BACE2: variants seen among roughly 807,000 people sequenced by gnomAD.
BACE2 encodes beta-secretase 2.
A neutral mutation model predicts 46.2 loss-of-function variants in BACE2; 17 were observed. The observed-to-expected ratio is 0.37, with a 90% confidence interval of 0.25 to 0.55. BACE2 has a LOEUF of 0.55. BACE2 is among the 20% of genes least tolerant of loss of function. BACE2 has a pLI of 0.82. For missense variants in BACE2, 595 were observed against 698.1 expected, an observed-to-expected ratio of 0.85 and a Z score of 1.66; for synonymous variants, 277 against 295.9, an observed-to-expected ratio of 0.94 and a Z score of 0.66.
chr21:41,201,162 T>G (rs566337454), intron 1 of BACE2, among the ~76,000 whole-genome samples: 1 of 152,362 alleles, frequency 6.6e-6, no homozygotes, highest in African/African-American at 2.4e-5. Context: ...CCTACCTGTC[T>G]TATCCTCTGG....
intron 8 of BACE2, among the ~76,000 whole-genome samples, chr21:41,267,990 C>T (rs548835176): frequency 6.6e-6 from 1 of 152,184 alleles, no homozygotes; most frequent in Non-Finnish European, 1.5e-5. Context: ...AGATCTTCCA[C>T]AGGCACTCAT....
At chr21:41,223,223 G>A (rs1601283785) in intron 1 of BACE2, among the ~76,000 whole-genome samples, 1 of 152,178 alleles carries the variant, frequency 6.6e-6, no homozygotes, top group East Asian at 1.9e-4. Context: ...AGGCATGGTG[G>A]TGCACGCCTG....
chr21:41,278,911 T>A lies in BACE2; in HGVS notation c.*3287T>A, dbSNP rs1048113656. 5.3e-5 allele frequency: 8 copies of A among 152,220 alleles called. No homozygotes were observed. Among genetic ancestry groups the A allele is most frequent in the African/African-American group, 1.7e-4 (7 of 41,454 alleles). The allele number at this position is 152,220 out of a possible 1,614,324, so 9.4% of individuals were successfully genotyped here. Reference sequence around the variant, plus strand: ...TGAATTTCACAGACTTTATCCTGATTAGTGGAAATCAAATAATGGAGTGGA... The same window carrying A: ...TGAATTTCACAGACTTTATCCTGATAAGTGGAAATCAAATAATGGAGTGGA... On this transcript the variant is annotated 3_prime_UTR_variant, in exon 9 of 9. Coordinates refer to ENST00000330333, the MANE Select transcript of BACE2 (RefSeq NM_012105.5).
At chr21:41,219,766 A>G (rs1165805301) in intron 1 of BACE2, among the ~76,000 whole-genome samples, 1 of 152,210 alleles carries the variant, frequency 6.6e-6, no homozygotes, top group Non-Finnish European at 1.5e-5. Context: ...CTAAGTGGAA[A>G]AACCACACAC....
chr21:41,237,836 G>A, intron 3 of BACE2, 107 bp downstream of exon 3: 1 of 855,958 alleles, frequency 1.2e-6, no homozygotes, highest in Non-Finnish European at 1.9e-6. Flanking sequence ...TGGAGACAGT[G>A]AGAACCACGT....
rs147122209 is a variant in BACE2, at chr21:41,263,857, A to G, written c.1303+6531A>G. The stretch of plus-strand genomic sequence containing the variant: ...TTTCCCATCGTGCTATACCCTTTAC[A>G]CTCTCTGAATCTGACAACTCATGAC... On this transcript the variant is annotated intron_variant, in intron 8 of 8. Transcript: ENST00000330333. 3.7e-4 allele frequency among the ~76,000 whole-genome samples: 56 copies of G among 152,268 alleles called. 2 individuals carry two copies. In the East Asian group the frequency reaches 0.011, roughly 29 times the overall value.
chr21:41,227,296 G>GAACCGAC (rs1986848152), intron 2 of BACE2, among the ~76,000 whole-genome samples: 2 of 152,198 alleles, frequency 1.3e-5, no homozygotes, highest in African/African-American at 4.8e-5. Flanking sequence ...GAACCTTCTA[G>GAACCGAC]AGGCTCGGAA....
At chr21:41,249,379 T>A (rs917828382) in intron 6 of BACE2, among the ~76,000 whole-genome samples, 10 of 150,238 alleles carry the variant, frequency 6.7e-5, no homozygotes, top group Middle Eastern at 3.5e-3. Context: ...GAGCCCCACA[T>A]GTACACTTGG....
In BACE2 at chr21:41,281,269, T is replaced by C. The variant is rs1181607597; in HGVS notation, c.*5645T>C. 1 of 152,240 alleles carries C rather than the reference T, an allele frequency of 6.6e-6. No homozygotes were observed. Among genetic ancestry groups the C allele is most frequent in the African/African-American group, 2.4e-5 (1 of 41,470 alleles). The allele number at this position is 152,240 out of a possible 1,614,324, so 9.4% of individuals were successfully genotyped here. On this transcript the variant is annotated 3_prime_UTR_variant, in exon 9 of 9. Coordinates refer to ENST00000330333, the MANE Select transcript of BACE2 (RefSeq NM_012105.5). ...GTAAAATATTTTTTCCAATGTAGAT[T>C]TATAATTAGAAATGACAGATTTATA...
chr21:41,234,159 G>A (rs1193041775), intron 2 of BACE2, among the ~76,000 whole-genome samples: 2 of 152,090 alleles, frequency 1.3e-5, no homozygotes, highest in Admixed American at 1.3e-4. Context: ...AGATCTGATG[G>A]TTTTATAAGG....
chr21:41,181,217 T>C (rs1053583580), intron 1 of BACE2: 4 of 166,938 alleles, frequency 2.4e-5, no homozygotes, highest in Admixed American at 1.3e-4. Flanking sequence ...CCTTAGGGAG[T>C]TGGAGTGGTT....
At chr21:41,243,063 G>A (rs562355954) in intron 4 of BACE2, among the ~76,000 whole-genome samples, 24 of 151,990 alleles carry the variant, frequency 1.6e-4, no homozygotes, top group Non-Finnish European at 2.8e-4. Context: ...ACAGGTGCGC[G>A]CCACCTTGCC....
At chr21:41,262,477 T>C (rs140163075) in intron 8 of BACE2, among the ~76,000 whole-genome samples, 197 of 152,268 alleles carry the variant, frequency 1.3e-3, no homozygotes, top group African/African-American at 4.6e-3. Context: ...TGGCAGGGAC[T>C]TGACCCTTCT....
At chr21:41,225,984 A>T (rs1986806270) in intron 1 of BACE2, among the ~76,000 whole-genome samples, 1 of 152,222 alleles carries the variant, frequency 6.6e-6, no homozygotes, top group Admixed American at 6.5e-5. Flanking sequence ...CCAACGGCCT[A>T]AAAAGGAAAC....
chr21:41,257,733 G>A (rs150126209), intron 8 of BACE2, among the ~76,000 whole-genome samples: 5 of 152,238 alleles, frequency 3.3e-5, no homozygotes, highest in South Asian at 2.1e-4. Context: ...AACACCTATC[G>A]TTGCGATTTC....
chr21:41,233,346 C>T (rs73366447), intron 2 of BACE2, among the ~76,000 whole-genome samples: 13,114 of 152,094 alleles, frequency 0.086, 1,873 homozygotes, highest in African/African-American at 0.3. Context: ...TTGAGGAAAC[C>T]GAGGCATAGA....
At chr21:41,182,227 T>C (rs1415756470) in intron 1 of BACE2, 1 of 167,140 alleles carries the variant, frequency 6.0e-6, no homozygotes, top group Non-Finnish European at 1.5e-5. Flanking sequence ...GTTGTGGTTG[T>C]AGTGCCCTTC....
chr21:41,265,017 C>G (rs1405476235), intron 8 of BACE2, among the ~76,000 whole-genome samples: 1 of 152,034 alleles, frequency 6.6e-6, no homozygotes. Context: ...GTTAACTTTT[C>G]TATAGTGTTG....
chr21:41,192,686 T>C (rs1158131586), intron 1 of BACE2, among the ~76,000 whole-genome samples: 1 of 152,248 alleles, frequency 6.6e-6, no homozygotes, highest in Non-Finnish European at 1.5e-5. Flanking sequence ...TTGGATCTGC[T>C]GGGTCGTATG....
Sources: gnomAD v4.1 joint callset for allele counts (sites outside exome capture counted in the v4.1 genomes callset) on GRCh38, gnomAD v4.1.1 for gene constraint, MANE v1.5 for transcripts, NCBI Gene and HGNC (gene_info 2026-07-23, HGNC 2026-07-21) for gene names.